FOXO3: variants seen among roughly 807,000 people sequenced by gnomAD.
The protein encoded by FOXO3 is forkhead box O3.
A neutral mutation model predicts 41.9 loss-of-function variants in FOXO3; 4 were observed. The ratio of observed to expected loss-of-function variants is 0.10; its 90% confidence interval spans 0.05 to 0.22. The LOEUF is 0.22. FOXO3 is among the 10% of genes least tolerant of loss of function. FOXO3 has a pLI of 1.00. For synonymous variants in FOXO3, 318 were observed against 389.3 expected, an observed-to-expected ratio of 0.82 and a Z score of 2.16; for missense variants, 534 against 906.8, an observed-to-expected ratio of 0.59 and a Z score of 5.28.
chr6:108,571,185 C>G (rs1013088146), intron 1 of FOXO3, among the ~76,000 whole-genome samples: 37 of 152,150 alleles, frequency 2.4e-4, no homozygotes, highest in African/African-American at 8.2e-4. Context: ...GTATATTGCT[C>G]TCAGGTAAGA....
At chr6:108,578,006 G>A (rs921166659) in intron 1 of FOXO3, among the ~76,000 whole-genome samples, 1 of 152,186 alleles carries the variant, frequency 6.6e-6, no homozygotes, top group East Asian at 1.9e-4. Context: ...AAGAAGAGAT[G>A]GTGCTGTTTT....
intron 1 of FOXO3, among the ~76,000 whole-genome samples, chr6:108,638,507 T>A (rs1778174668): frequency 1.3e-5 from 2 of 152,320 alleles, no homozygotes; most frequent in Admixed American, 1.3e-4. Context: ...TTTTCATTTC[T>A]AAAATGATGG....
At chr6:108,666,906 T>C (rs1402292344) in intron 2 of FOXO3, among the ~76,000 whole-genome samples, 2 of 152,210 alleles carry the variant, frequency 1.3e-5, no homozygotes, top group Non-Finnish European at 1.5e-5. Flanking sequence ...TGTTTTGTTT[T>C]AGTCTCAGCA....
intron 1 of FOXO3, among the ~76,000 whole-genome samples, chr6:108,564,686 G>C (rs1775907304): frequency 6.6e-6 from 1 of 152,114 alleles, no homozygotes; most frequent in Non-Finnish European, 1.5e-5. Flanking sequence ...CTCAGCCCTG[G>C]TTGCATGTTT....
At chr6:108,560,755 G>C, upstream of FOXO3, 1 of 255,868 alleles carries the variant, frequency 3.9e-6, no homozygotes. Flanking sequence ...GCCGCTGCCC[G>C]CTTTAAAGGC....
intron 2 of FOXO3, among the ~76,000 whole-genome samples, chr6:108,669,995 C>T (rs1779170313): frequency 6.6e-6 from 1 of 152,198 alleles, no homozygotes; most frequent in Admixed American, 6.5e-5. Flanking sequence ...TGCTCAGCAG[C>T]ATCTTGTAAA....
chr6:108,670,988 C>T (rs1196911447), intron 2 of FOXO3, among the ~76,000 whole-genome samples: 5 of 152,208 alleles, frequency 3.3e-5, no homozygotes, highest in African/African-American at 9.7e-5. Flanking sequence ...AAGGGTCCCT[C>T]CCTTAAAGAA....
At position 108,572,016 on chromosome 6, in the gene FOXO3, G is replaced by T. The variant is rs896556606; in HGVS notation, c.621+10187G>T. ...TGAATTTTCCTTGATTTCCCAGTTA[G>T]AGCTACTAGAACATGTCCCTCTTTT... On this transcript the variant is annotated intron_variant, in intron 1 of 2. Coordinates refer to ENST00000406360, the MANE Select transcript of FOXO3 (RefSeq NM_001455.4). 3.9e-5 allele frequency among the ~76,000 whole-genome samples: 6 copies of T among 152,122 alleles called. 1 individual carries two copies. Among genetic ancestry groups the T allele is most frequent in the Non-Finnish European group, 7.4e-5 (5 of 68,022 alleles).
At chr6:108,561,906 G>T (rs1733767050) in intron 1 of FOXO3, 77 bp downstream of exon 1, 2 of 1,474,408 alleles carry the variant, frequency 1.4e-6, no homozygotes, top group South Asian at 2.8e-5. Flanking sequence ...GGATTCGTCG[G>T]AGTGCGCTTG....
At chr6:108,669,481 T>C (rs1779153523) in intron 2 of FOXO3, among the ~76,000 whole-genome samples, 1 of 152,216 alleles carries the variant, frequency 6.6e-6, no homozygotes, top group Non-Finnish European at 1.5e-5. Flanking sequence ...GAATCTGTTA[T>C]GAATTACCTG....
At chr6:108,639,368 T>G (rs1316059956) in intron 1 of FOXO3, among the ~76,000 whole-genome samples, 1 of 152,192 alleles carries the variant, frequency 6.6e-6, no homozygotes, top group African/African-American at 2.4e-5. Flanking sequence ...AGCTTTTATT[T>G]CCAGGTACCT....
chr6:108,635,978 C>G (rs775728631), intron 1 of FOXO3, among the ~76,000 whole-genome samples: 38 of 152,348 alleles, frequency 2.5e-4, no homozygotes, highest in Non-Finnish European at 3.7e-4. Flanking sequence ...TGTTTCTACT[C>G]TGGATTGGTT....
chr6:108,595,652 G>T (rs571396334), intron 1 of FOXO3, among the ~76,000 whole-genome samples: 1 of 152,230 alleles, frequency 6.6e-6, no homozygotes, highest in African/African-American at 2.4e-5. Flanking sequence ...GAAAAGAAAG[G>T]ATCAAAGAAA....
intron 1 of FOXO3, among the ~76,000 whole-genome samples, chr6:108,655,373 G>T (rs1330424343): frequency 6.6e-6 from 1 of 152,192 alleles, no homozygotes; most frequent in Non-Finnish European, 1.5e-5. Flanking sequence ...TCTTCTCAAT[G>T]ATGGAAACTT....
intron 1 of FOXO3, among the ~76,000 whole-genome samples, chr6:108,563,867 C>A (rs1222483816): frequency 6.6e-6 from 1 of 151,834 alleles, no homozygotes; most frequent in Non-Finnish European, 1.5e-5. Flanking sequence ...GGGCTAGATA[C>A]ATTTTCATAT....
chr6:108,668,587 C>T (rs1484147209), intron 2 of FOXO3, among the ~76,000 whole-genome samples: 1 of 152,160 alleles, frequency 6.6e-6, no homozygotes, highest in East Asian at 1.9e-4. Flanking sequence ...TGCCTGCATT[C>T]ACAAACTTTC....
At position 108,675,185 on chromosome 6, in the gene FOXO3, C is replaced by T. The variant is rs373649081; in HGVS notation, c.*35-4642C>T. Among the ~76,000 whole-genome samples, 60 of 152,230 alleles carry T rather than the reference C, an allele frequency of 3.9e-4. No homozygotes were observed. The South Asian group carries it at 5.8e-3, about 15-fold the overall frequency. On this transcript the variant is annotated intron_variant, in intron 2 of 2. Coordinates refer to ENST00000406360, the MANE Select transcript of FOXO3 (RefSeq NM_001455.4). The stretch of plus-strand genomic sequence containing the variant: ...TAAACTTATTTTAGCCATTAATAAT[C>T]GCTAAATTTAAGCAACAGAAAAGCT...
At chr6:108,579,365 G>A (rs540575146) in intron 1 of FOXO3, among the ~76,000 whole-genome samples, 1 of 152,262 alleles carries the variant, frequency 6.6e-6, no homozygotes, top group African/African-American at 2.4e-5. Flanking sequence ...GTTCGGTGTT[G>A]GAACAACATC....
intron 1 of FOXO3, among the ~76,000 whole-genome samples, chr6:108,656,846 C>T (rs933707045): frequency 1.3e-5 from 2 of 152,154 alleles, no homozygotes; most frequent in African/African-American, 4.8e-5. Context: ...TTAGTATTAG[C>T]AATAATTGTA....
Sources: allele counts gnomAD v4.1 joint callset (sites outside exome capture counted in the v4.1 genomes callset), GRCh38; gene constraint gnomAD v4.1.1; transcripts MANE v1.5; gene names NCBI Gene and HGNC (gene_info 2026-07-23, HGNC 2026-07-21).